The following GSDMC variants were observed in gnomAD, a reference collection of about 807,000 sequenced individuals.
The protein encoded by GSDMC is gasdermin C.
A neutral mutation model predicts 58.0 loss-of-function variants in GSDMC; 59 were observed. The observed-to-expected ratio is 1.02, with a 90% CI of 0.82 to 1.26. The LOEUF is 1.26. Among genes scored for constraint, GSDMC ranks in the 50% most tolerant of loss-of-function variants. The pLI is 0.00. For missense variants in GSDMC, 659 were observed against 598.5 expected (o/e 1.10, Z -1.06); for synonymous variants, 241 against 220.2 (o/e 1.09, Z -0.83).
At chr8:129,764,062 A>G (rs1586596463) in intron 4 of GSDMC, among the ~76,000 whole-genome samples, 2 of 152,338 alleles carry the variant, frequency 1.3e-5, no homozygotes, top group South Asian at 4.1e-4. Context: ...ATGAAAATAA[A>G]ATATTATCTC....
the GSDMC span, among the ~76,000 whole-genome samples, chr8:129,728,409 G>A: frequency 3.3e-5 from 5 of 152,276 alleles, no homozygotes; most frequent in South Asian, 4.1e-4. Flanking sequence ...GGTTGTCCCC[G>A]CATCACCATA....
At chr8:129,766,137 T>A (rs897938767) in intron 3 of GSDMC, among the ~76,000 whole-genome samples, 10 of 152,342 alleles carry the variant, frequency 6.6e-5, no homozygotes, top group Middle Eastern at 3.4e-3. Flanking sequence ...TCCAGATGAT[T>A]GAGAACAGTC....
At chr8:129,738,607 A>G in the GSDMC span, among the ~76,000 whole-genome samples, 1 of 152,146 alleles carries the variant, frequency 6.6e-6, no homozygotes, top group Non-Finnish European at 1.5e-5. Context: ...TTGAACAATG[A>G]GAACACTTGG....
At chr8:129,711,731 G>A in the GSDMC span, among the ~76,000 whole-genome samples, 3 of 152,168 alleles carry the variant, frequency 2.0e-5, no homozygotes, top group African/African-American at 7.2e-5. Context: ...ACATCTCTAG[G>A]CCACTAGGCA....
At position 129,748,741 on chromosome 8, in the gene GSDMC, C is replaced by T; in HGVS notation, c.1288-1G>A. 6.6e-7 allele frequency: 1 copy of T among 1,513,082 alleles called. No individual in the cohort carries two copies. Among genetic ancestry groups the T allele is most frequent in the Non-Finnish European group, 8.8e-7 (1 of 1,133,252 alleles). The allele number at this position is 1,513,082 out of a possible 1,614,324, so 93.7% of individuals were successfully genotyped here. ...AGTTTGGCTCCAGGATGCTCCTTAC[C>T]TAGAAGAAAGATGATCAGGTTCTAC... On this transcript the variant is annotated splice_acceptor_variant, in intron 13 of 13. Transcript: ENST00000276708. LOFTEE classifies it high-confidence loss of function.
At chr8:129,755,758 ATTAG>A (rs2033403031) in intron 6 of GSDMC, among the ~76,000 whole-genome samples, 1 of 152,008 alleles carries the variant, frequency 6.6e-6, no homozygotes, top group Admixed American at 6.6e-5. Context: ...CTTTTTGCCT[ATTAG>A]TTCATTTGTT....
the GSDMC span, among the ~76,000 whole-genome samples, chr8:129,732,720 G>A: frequency 8.5e-5 from 13 of 152,168 alleles, no homozygotes; most frequent in South Asian, 4.1e-4. Flanking sequence ...GAACAGCACC[G>A]GTCTGCAGTT....
chr8:129,722,213 A>ACGGTGCT, the GSDMC span, among the ~76,000 whole-genome samples: 1 of 152,174 alleles, frequency 6.6e-6, no homozygotes, highest in Non-Finnish European at 1.5e-5. Context: ...TAGAAGCCCT[A>ACGGTGCT]CGGTGCTCGG....
downstream of GSDMC, among the ~76,000 whole-genome samples, chr8:129,745,382 C>T (rs1469576638): frequency 6.6e-6 from 1 of 152,124 alleles, no homozygotes; most frequent in Non-Finnish European, 1.5e-5. Flanking sequence ...AGGGATTCGT[C>T]TCTGGAACTT....
the GSDMC span, among the ~76,000 whole-genome samples, chr8:129,711,306 T>C: frequency 6.6e-6 from 1 of 152,334 alleles, no homozygotes; most frequent in African/African-American, 2.4e-5. Context: ...GTTGAATTGA[T>C]GGCAGCCTTG....
the GSDMC span, among the ~76,000 whole-genome samples, chr8:129,718,566 G>A: frequency 4.6e-5 from 7 of 152,288 alleles, no homozygotes; most frequent in South Asian, 2.1e-4. Flanking sequence ...AAATTGTAAC[G>A]CTTTTACACT....
At chr8:129,754,224 A>G (rs910847736) in intron 6 of GSDMC, among the ~76,000 whole-genome samples, 3 of 152,196 alleles carry the variant, frequency 2.0e-5, no homozygotes, top group Non-Finnish European at 2.9e-5. Flanking sequence ...TTCAGGTCTA[A>G]CCCAGTGCAG....
the GSDMC span, among the ~76,000 whole-genome samples, chr8:129,727,593 A>G: frequency 2.6e-4 from 39 of 152,204 alleles, no homozygotes; most frequent in Non-Finnish European, 4.7e-4. Context: ...GTTTGAAGCC[A>G]CTGTGAAGGA....
chr8:129,761,842 C>T (rs6994525), intron 5 of GSDMC, among the ~76,000 whole-genome samples: 1 of 152,140 alleles, frequency 6.6e-6, no homozygotes, highest in East Asian at 1.9e-4. Flanking sequence ...CTGTCTATGG[C>T]CACTGATGGG....
In GSDMC at chr8:129,750,058, T is replaced by C; in HGVS notation, c.1145A>G (p.Gln382Arg). The C allele has an allele frequency of 6.2e-7, 1 of 1,610,670 alleles. No individual in the cohort carries two copies. The highest frequency in any genetic ancestry group is 1.1e-5 in the South Asian group (1 of 90,284). The change falls in exon 12 of 14, where the codon CAA (glutamine) becomes CGA (arginine). Residue 382 changes from glutamine (Q) to arginine (R), a missense_variant. Gln to Arg is a conservative substitution (Grantham distance 43). Coordinates refer to ENST00000276708, the MANE Select transcript of GSDMC (RefSeq NM_031415.3). ...GPGGAILKKLQQDSNHAWFNP... is the reference protein window; with the variant it reads ...GPGGAILKKLRQDSNHAWFNP... ...AAACCATGCATGGTTTGAATCCTGT[T>C]GAAGTTTCTTTAGGATGGCACCACC... is the stretch of plus-strand genomic sequence containing the variant.
chr8:129,730,062 A>G, the GSDMC span: 2 of 1,137,310 alleles, frequency 1.8e-6, no homozygotes, highest in Non-Finnish European at 2.5e-6. Flanking sequence ...AAAATAAGTA[A>G]AGAAGATTTT....
intron 13 of GSDMC, 27 bp downstream of exon 13, chr8:129,749,425 A>T: frequency 1.3e-6 from 2 of 1,519,222 alleles, no homozygotes; most frequent in Non-Finnish European, 1.8e-6. Flanking sequence ...CTCTTCCCTG[A>T]ACTTCTGGCC....
At chr8:129,785,739 C>A (rs569848690) in intron 1 of GSDMC, among the ~76,000 whole-genome samples, 1 of 130,820 alleles carries the variant, frequency 7.6e-6, no homozygotes, top group African/African-American at 3.6e-5. Flanking sequence ...CTGATATGGG[C>A]CATGTAAGAG....
chr8:129,728,749 C>T, the GSDMC span: 33 of 483,724 alleles, frequency 6.8e-5, no homozygotes, highest in Non-Finnish European at 1.1e-4. Flanking sequence ...CTGCACAGTG[C>T]GATATAAAAC....
Sources: allele counts gnomAD v4.1 joint callset (sites outside exome capture counted in the v4.1 genomes callset), GRCh38; gene constraint gnomAD v4.1.1; transcripts MANE v1.5; gene names NCBI Gene and HGNC (gene_info 2026-07-23, HGNC 2026-07-21).